RHOBTB1: variants seen among roughly 807,000 people sequenced by gnomAD.
The protein encoded by RHOBTB1 is Rho related BTB domain containing 1.
A neutral mutation model predicts 71.6 loss-of-function variants in RHOBTB1; 40 were observed. That is an observed-to-expected ratio of 0.56 (90% confidence interval 0.43 to 0.73). RHOBTB1 has a LOEUF of 0.73. RHOBTB1 is among the 30% of genes least tolerant of loss of function. The probability of loss-of-function intolerance (pLI) is 0.00; values close to 1 mark genes in which losing one functional copy is unlikely to be tolerated. For synonymous variants in RHOBTB1, 319 were observed against 334.9 expected (o/e 0.95, Z 0.52); for missense variants, 797 against 894.0 (o/e 0.89, Z 1.38).
intron 2 of RHOBTB1, among the ~76,000 whole-genome samples, chr10:60,953,568 AAGG>A (rs2085484641): frequency 6.6e-6 from 1 of 152,234 alleles, no homozygotes; most frequent in African/African-American, 2.4e-5. Context: ...CTGTGAAGAT[AAGG>A]AGTTCTGTTT....
chr10:60,890,291 T>G (rs1323119275), intron 5 of RHOBTB1, among the ~76,000 whole-genome samples: 3 of 152,048 alleles, frequency 2.0e-5, no homozygotes, highest in Non-Finnish European at 4.4e-5. Context: ...CTAATCTTTC[T>G]TCACACCCAC....
chr10:60,949,664 C>CTTT (rs147906688), intron 2 of RHOBTB1, among the ~76,000 whole-genome samples: 6 of 108,890 alleles, frequency 5.5e-5, no homozygotes, highest in Admixed American at 3.0e-4. Context: ...CCAGGTGAAG[C>CTTT]TTTTTTTTTT....
chr10:60,951,523 T>C (rs751015477), intron 2 of RHOBTB1, among the ~76,000 whole-genome samples: 3 of 152,170 alleles, frequency 2.0e-5, no homozygotes, highest in Non-Finnish European at 4.4e-5. Flanking sequence ...CTGCATCACA[T>C]GTGGGTGACA....
At chr10:60,883,493 G>A (rs771535041) in intron 7 of RHOBTB1, among the ~76,000 whole-genome samples, 5 of 152,130 alleles carry the variant, frequency 3.3e-5, no homozygotes, top group Admixed American at 6.5e-5. Flanking sequence ...TCCTGACCTC[G>A]ATCAACTTCT....
In RHOBTB1 at chr10:60,926,738, T is replaced by C. The variant is rs557411921; in HGVS notation, c.-11+15066A>G. On this transcript the variant is annotated intron_variant, in intron 2 of 10. Coordinates refer to ENST00000337910, the MANE Select transcript of RHOBTB1 (RefSeq NM_014836.5). The stretch of plus-strand genomic sequence containing the variant: ...ATGGAAGGAACATATCTCAACACAA[T>C]AAAAGCAATATACAACAGACTGGCA... 2.6e-5 allele frequency among the ~76,000 whole-genome samples: 4 copies of C among 152,226 alleles called. No homozygotes were observed. The East Asian group carries it at 7.7e-4, about 29-fold the overall frequency.
chr10:60,884,835 G>C (rs2081492757), intron 7 of RHOBTB1, among the ~76,000 whole-genome samples: 1 of 152,154 alleles, frequency 6.6e-6, no homozygotes, highest in African/African-American at 2.4e-5. Context: ...CTGGGATTAG[G>C]GGGTGAATGG....
At chr10:60,997,404 T>C (rs1356696881) in intron 1 of RHOBTB1, among the ~76,000 whole-genome samples, 1 of 152,210 alleles carries the variant, frequency 6.6e-6, no homozygotes, top group African/African-American at 2.4e-5. Context: ...CAATCTGTGA[T>C]TTTAAAAAGC....
At chr10:60,872,411 C>A in intron 9 of RHOBTB1, 121 bp from the exon 10 acceptor site, 2 of 712,454 alleles carry the variant, frequency 2.8e-6, no homozygotes, top group Non-Finnish European at 4.9e-6. Context: ...ATTCGGTAAA[C>A]CTCTTGTTTT....
chr10:60,998,412 C>CTGATGGGGAAGTAAGGAG (rs1356853061), intron 1 of RHOBTB1, among the ~76,000 whole-genome samples: 11 of 152,140 alleles, frequency 7.2e-5, no homozygotes, highest in Admixed American at 6.5e-4. Flanking sequence ...AGCCTACATT[C>CTGATGGGGAAGTAAGGAG]TGATGGGGAA....
intron 2 of RHOBTB1, among the ~76,000 whole-genome samples, chr10:60,932,513 TAAA>T (rs3049595): frequency 3.7e-5 from 4 of 107,954 alleles, no homozygotes; most frequent in Non-Finnish European, 3.7e-5. Flanking sequence ...TTTCTTAAAG[TAAA>T]AAAAAAAAAA....
At chr10:60,944,681 G>C (rs768027183), upstream of RHOBTB1, among the ~76,000 whole-genome samples, 2 of 152,190 alleles carry the variant, frequency 1.3e-5, no homozygotes, top group Non-Finnish European at 2.9e-5. Context: ...TTCCCCCTAG[G>C]AGCTGACCGG....
At chr10:60,980,557 G>A (rs1275303816) in intron 2 of RHOBTB1, among the ~76,000 whole-genome samples, 2 of 151,998 alleles carry the variant, frequency 1.3e-5, no homozygotes, top group Admixed American at 6.6e-5. Flanking sequence ...GGAAACATGA[G>A]CTAAGCAGAA....
At chr10:60,956,496 T>A (rs2085596257) in intron 2 of RHOBTB1, among the ~76,000 whole-genome samples, 1 of 152,214 alleles carries the variant, frequency 6.6e-6, no homozygotes. Flanking sequence ...TATAACTTTT[T>A]TATTTTGTAA....
At chr10:60,956,137 C>A (rs549775467) in intron 2 of RHOBTB1, among the ~76,000 whole-genome samples, 1 of 152,246 alleles carries the variant, frequency 6.6e-6, no homozygotes, top group African/African-American at 2.4e-5. Flanking sequence ...TATGGTATAG[C>A]CCGTTGTTTC....
chr10:60,971,927 A>T (rs1291679195), intron 2 of RHOBTB1, among the ~76,000 whole-genome samples: 1 of 152,032 alleles, frequency 6.6e-6, no homozygotes, highest in African/African-American at 2.4e-5. Context: ...GAAGCCAATA[A>T]ACATGAAAAA....
chr10:60,905,994 GA>G, intron 4 of RHOBTB1, among the ~76,000 whole-genome samples: 1 of 152,276 alleles, frequency 6.6e-6, no homozygotes, highest in South Asian at 2.1e-4. Flanking sequence ...ACTTCAACAT[GA>G]AACTAGACAT....
At chr10:60,949,606 A>G (rs2085344070) in intron 2 of RHOBTB1, among the ~76,000 whole-genome samples, 1 of 149,160 alleles carries the variant, frequency 6.7e-6, no homozygotes, top group Non-Finnish European at 1.5e-5. Context: ...CTGGAAATTA[A>G]CTCTTAGGTT....
In RHOBTB1 at chr10:60,888,200, C is replaced by T. The variant is rs374501505; in HGVS notation, c.1456+12G>A. ...CAAAGGTATTAATGGCTCTGCCCCG[C>T]GGCCCACTCACCCGAGAACGTTCCC... On this transcript the variant is annotated intron_variant, in intron 6 of 10. Coordinates refer to ENST00000337910, the MANE Select transcript of RHOBTB1 (RefSeq NM_014836.5). 6.8e-6 allele frequency: 11 copies of T among 1,606,254 alleles called. No individual in the cohort carries two copies. Among genetic ancestry groups the T allele is most frequent in the African/African-American group, 4.0e-5 (3 of 74,762 alleles).
At chr10:60,925,685 A>C (rs1019065985) in intron 2 of RHOBTB1, among the ~76,000 whole-genome samples, 1 of 152,138 alleles carries the variant, frequency 6.6e-6, no homozygotes, top group African/African-American at 2.4e-5. Context: ...CTAAGAAAAA[A>C]AAGAAGACCC....
Sources: allele counts gnomAD v4.1 joint callset (sites outside exome capture counted in the v4.1 genomes callset), GRCh38; gene constraint gnomAD v4.1.1; transcripts MANE v1.5; gene names NCBI Gene and HGNC (gene_info 2026-07-23, HGNC 2026-07-21).